DLG2: variants seen among roughly 807,000 people sequenced by gnomAD.
DLG2 encodes discs large MAGUK scaffold protein 2.
DLG2 carries 45 observed loss-of-function variants against 132.5 expected under a neutral mutation model. The ratio of observed to expected loss-of-function variants is 0.34; its 90% CI spans 0.27 to 0.44. The LOEUF is 0.44. Among genes scored for constraint, DLG2 ranks in the 20% least tolerant of loss-of-function variants. The pLI, the probability that DLG2 is intolerant of heterozygous loss-of-function variation, is 1.00. For missense variants in DLG2, 1,045 were observed against 1,196.9 expected (o/e 0.87, Z 1.87); for synonymous variants, 424 against 419.6 (o/e 1.01, Z -0.13).
chr11:85,185,568 T>C (rs557406579), intron 4 of DLG2, among the ~76,000 whole-genome samples: 1 of 151,988 alleles, frequency 6.6e-6, no homozygotes, highest in South Asian at 2.1e-4. Flanking sequence ...CATGACTCCA[T>C]GCATTTTTGT....
chr11:84,379,188 G>A (rs1384611626), intron 7 of DLG2, among the ~76,000 whole-genome samples: 1 of 152,048 alleles, frequency 6.6e-6, no homozygotes, highest in African/African-American at 2.4e-5. Context: ...CATCATGATT[G>A]AGAATCAGCA....
At chr11:83,558,998 T>C (rs1289397327) in intron 19 of DLG2, among the ~76,000 whole-genome samples, 1 of 151,964 alleles carries the variant, frequency 6.6e-6, no homozygotes, top group African/African-American at 2.4e-5. Context: ...AAGGGAATGA[T>C]GAACAACATG....
intron 7 of DLG2, among the ~76,000 whole-genome samples, chr11:84,528,814 T>A (rs573644405): frequency 6.6e-6 from 1 of 152,218 alleles, no homozygotes; most frequent in African/African-American, 2.4e-5. Flanking sequence ...ATTTTAATCA[T>A]TGCAAGTTTT....
intron 19 of DLG2, among the ~76,000 whole-genome samples, chr11:83,619,712 C>T (rs2061351604): frequency 6.6e-6 from 1 of 152,046 alleles, no homozygotes; most frequent in Non-Finnish European, 1.5e-5. Context: ...GGGGCAGGAA[C>T]ACAGAATTTT....
At chr11:83,758,313 C>T (rs903492961) in intron 18 of DLG2, among the ~76,000 whole-genome samples, 1 of 152,102 alleles carries the variant, frequency 6.6e-6, no homozygotes, top group Non-Finnish European at 1.5e-5. Flanking sequence ...CATCCAATTA[C>T]CCCACAGAAC....
chr11:84,316,735 T>C, intron 7 of DLG2: 1 of 1,367,286 alleles, frequency 7.3e-7, no homozygotes, highest in Non-Finnish European at 9.8e-7. Context: ...CCCGTGGTAC[T>C]CTGCAAAGTT....
At chr11:85,107,839 T>C (rs937475799) in intron 6 of DLG2, among the ~76,000 whole-genome samples, 3 of 150,688 alleles carry the variant, frequency 2.0e-5, no homozygotes, top group African/African-American at 7.3e-5. Flanking sequence ...ATTATGTCCA[T>C]GTTTCTAAAT....
intron 7 of DLG2, among the ~76,000 whole-genome samples, chr11:84,317,529 C>T (rs1028118184): frequency 2.6e-5 from 4 of 152,178 alleles, no homozygotes; most frequent in African/African-American, 9.7e-5. Flanking sequence ...CGGCTTTTCC[C>T]TTTCCTTGCC....
intron 7 of DLG2, among the ~76,000 whole-genome samples, chr11:84,351,787 G>C (rs903208130): frequency 2.6e-5 from 4 of 152,304 alleles, no homozygotes; most frequent in African/African-American, 7.2e-5. Context: ...TGCTTCAGCA[G>C]ATTTAGGTTG....
chr11:84,221,935 T>C (rs1300441706), intron 8 of DLG2, among the ~76,000 whole-genome samples: 1 of 152,120 alleles, frequency 6.6e-6, no homozygotes, highest in Non-Finnish European at 1.5e-5. Context: ...TATTATGTTA[T>C]TAGATAAATT....
chr11:85,521,058 A>G (rs1471627493), intron 3 of DLG2, among the ~76,000 whole-genome samples: 1 of 152,238 alleles, frequency 6.6e-6, no homozygotes, highest in Non-Finnish European at 1.5e-5. Context: ...AAAGAAACTA[A>G]TAAACAAAGT....
intron 6 of DLG2, among the ~76,000 whole-genome samples, chr11:84,673,901 C>A (rs1278400010): frequency 1.3e-5 from 2 of 152,116 alleles, no homozygotes; most frequent in Non-Finnish European, 2.9e-5. Context: ...GGACAGCAAA[C>A]AAATGCAAAT....
chr11:85,094,290 A>G (rs2069358430), intron 6 of DLG2, among the ~76,000 whole-genome samples: 1 of 152,252 alleles, frequency 6.6e-6, no homozygotes, highest in African/African-American at 2.4e-5. Flanking sequence ...AATTTTCAGT[A>G]TGGTAATTAG....
At position 85,107,927 on chromosome 11, in the gene DLG2, T is replaced by TTA. The variant is rs1555371723; in HGVS notation, c.357+3733_357+3734insTA. Among the ~76,000 whole-genome samples the TTA allele has an allele frequency of 8.4e-4, 22 of 26,270 alleles. 1 individual carries two copies. Among genetic ancestry groups the TTA allele is most frequent in the Non-Finnish European group, 1.1e-3 (17 of 15,302 alleles). The allele number at this position is 26,270 out of a possible 152,430, so 17.2% of individuals were successfully genotyped here. A position where few individuals can be genotyped will look rare whatever the true frequency, so the allele number is the denominator to read the frequency against. ...TAGTTACTACTGAAAGGACAAGTCT[T>TTA]AAAAAAAAAAAAAAAAAAAAAAAAA... On this transcript the variant is annotated intron_variant, in intron 6 of 27. Coordinates refer to ENST00000376104, the MANE Select transcript of DLG2 (RefSeq NM_001142699.3).
chr11:84,465,053 TC>T (rs1355983264), intron 7 of DLG2, among the ~76,000 whole-genome samples: 6 of 151,256 alleles, frequency 4.0e-5, no homozygotes, highest in African/African-American at 1.5e-4. Flanking sequence ...GAACATTAAG[TC>T]GTACTATGTA....
chr11:84,534,425 A>C (rs1260284151), intron 7 of DLG2, 145 bp downstream of exon 7: 2 of 705,708 alleles, frequency 2.8e-6, no homozygotes, highest in Non-Finnish European at 4.7e-6. Flanking sequence ...TGGGCCTCCA[A>C]TGCACAAGAA....
At chr11:83,633,363 G>A in intron 18 of DLG2, 38 bp from the exon 19 acceptor site, 1 of 1,565,040 alleles carries the variant, frequency 6.4e-7, no homozygotes, top group Non-Finnish European at 8.8e-7. Flanking sequence ...TTTGCTCTGT[G>A]CCCTCAAGAG....
chr11:85,393,036 G>T (rs1193608080), intron 3 of DLG2, among the ~76,000 whole-genome samples: 8 of 152,052 alleles, frequency 5.3e-5, no homozygotes, highest in Non-Finnish European at 1.0e-4. Flanking sequence ...AGAATTAACA[G>T]ACAACCCATA....
intron 3 of DLG2, among the ~76,000 whole-genome samples, chr11:85,308,195 T>C (rs980729408): frequency 6.9e-6 from 1 of 144,320 alleles, no homozygotes; most frequent in African/African-American, 2.6e-5. Flanking sequence ...TAAAATAAAA[T>C]AAAACAAGAA....
Sources: allele counts gnomAD v4.1 joint callset (sites outside exome capture counted in the v4.1 genomes callset), GRCh38; gene constraint gnomAD v4.1.1; transcripts MANE v1.5; gene names NCBI Gene and HGNC (gene_info 2026-07-23, HGNC 2026-07-21).